Variants in GABRG3 observed in about 807,000 individuals in gnomAD.
The protein encoded by GABRG3 is gamma-aminobutyric acid type A receptor subunit gamma3, also known as gamma-aminobutyric acid receptor subunit gamma-3.
In GABRG3, 25 loss-of-function variants were observed where a neutral mutation model predicts 48.8. The ratio of observed to expected loss-of-function variants is 0.51; its 90% CI spans 0.37 to 0.72. The LOEUF (loss-of-function observed/expected upper bound fraction) is 0.72. Among genes scored for constraint, GABRG3 ranks in the 30% least tolerant of loss-of-function variants. The pLI, the probability that GABRG3 is intolerant of heterozygous loss-of-function variation, is 0.00. For synonymous variants in GABRG3, 227 were observed against 217.6 expected, an observed-to-expected ratio of 1.04 and a Z score of -0.38; for missense variants, 394 against 577.9, an observed-to-expected ratio of 0.68 and a Z score of 3.26.
At chr15:27,425,814 A>G (rs2140617522) in intron 5 of GABRG3, among the ~76,000 whole-genome samples, 1 of 152,272 alleles carries the variant, frequency 6.6e-6, no homozygotes, top group Admixed American at 6.5e-5. Flanking sequence ...GGAATGGACT[A>G]TTTTTAGTAA....
intron 3 of GABRG3, among the ~76,000 whole-genome samples, chr15:27,169,334 T>C (rs1887486355): frequency 6.6e-6 from 1 of 151,972 alleles, no homozygotes; most frequent in African/African-American, 2.4e-5. Flanking sequence ...GAGCACTTCC[T>C]GGGGAGGGAG....
chr15:27,188,758 T>G (rs577390921), intron 3 of GABRG3, among the ~76,000 whole-genome samples: 6 of 152,354 alleles, frequency 3.9e-5, no homozygotes, highest in Admixed American at 2.0e-4. Flanking sequence ...AATTTTGGCT[T>G]TTGTTGCCAT....
intron 3 of GABRG3, among the ~76,000 whole-genome samples, chr15:27,263,883 G>A (rs2140468511): frequency 6.6e-6 from 1 of 150,536 alleles, no homozygotes; most frequent in South Asian, 2.1e-4. Context: ...CCGAGATCGC[G>A]CCACTGCACT....
intron 3 of GABRG3, among the ~76,000 whole-genome samples, chr15:27,107,944 G>A (rs1056491497): frequency 6.6e-6 from 1 of 150,740 alleles, no homozygotes; most frequent in African/African-American, 2.4e-5. Context: ...GATAATTTGT[G>A]TCTTCTTCAT....
In GABRG3 at chr15:26,977,140, A is replaced by G; in HGVS notation, c.192A>G (p.Pro64=). 6.2e-7 allele frequency: 1 copy of G among 1,611,228 alleles called. No individual in the cohort carries two copies. Among genetic ancestry groups the G allele is most frequent in the South Asian group, 1.1e-5 (1 of 90,816 alleles). Reference sequence around the variant, plus strand: ...GAGAATATGATAAAAAGCTGAGGCCAGATATTGGAAGTGAGTGTTGTTTTT... The same window carrying G: ...GAGAATATGATAAAAAGCTGAGGCCGGATATTGGAAGTGAGTGTTGTTTTT... The part of the protein sequence containing the change: ...LLREYDKKLR[P]DIGIKPTVID... The change falls in exon 2 of 10, where the codon CCA becomes CCG. Residue 64 remains proline, a synonymous_variant. Coordinates refer to ENST00000615808, the MANE Select transcript of GABRG3 (RefSeq NM_033223.5).
chr15:27,132,471 GTTTTTTTTTTTTTTTTT>G (rs59023766), intron 3 of GABRG3, among the ~76,000 whole-genome samples: 1 of 39,594 alleles, frequency 2.5e-5, no homozygotes, highest in Non-Finnish European at 4.8e-5. Flanking sequence ...AGTAGTTACA[GTTTTTTTTTTTTTTTTT>G]TTTTTTTTTT....
intron 3 of GABRG3, among the ~76,000 whole-genome samples, chr15:27,079,264 A>G (rs1168415278): frequency 1.3e-5 from 2 of 152,206 alleles, no homozygotes; most frequent in Non-Finnish European, 2.9e-5. Flanking sequence ...GAGCCTGCAT[A>G]TGTAAAGAGT....
chr15:27,197,486 A>G (rs1253145888), intron 3 of GABRG3, among the ~76,000 whole-genome samples: 2 of 123,918 alleles, frequency 1.6e-5, no homozygotes, highest in South Asian at 5.4e-4. Context: ...TTTTTTTTTT[A>G]TCATCAGTAC....
intron 6 of GABRG3, among the ~76,000 whole-genome samples, chr15:27,493,270 T>TA (rs1566865863): frequency 6.6e-6 from 1 of 152,134 alleles, no homozygotes; most frequent in Non-Finnish European, 1.5e-5. Context: ...TTCATATTTT[T>TA]AAAAAAATCT....
chr15:27,469,381 C>T (rs1889715750), intron 5 of GABRG3, among the ~76,000 whole-genome samples: 1 of 152,170 alleles, frequency 6.6e-6, no homozygotes, highest in Admixed American at 6.5e-5. Context: ...TGCTCTGTCG[C>T]ACAGGCTAGA....
intron 3 of GABRG3, among the ~76,000 whole-genome samples, chr15:27,073,085 G>C (rs148988844): frequency 1.3e-5 from 2 of 152,218 alleles, no homozygotes; most frequent in African/African-American, 4.8e-5. Context: ...TTGAGTGTGG[G>C]GTGACTTGAT....
At chr15:27,452,326 C>A (rs559213561) in intron 5 of GABRG3, among the ~76,000 whole-genome samples, 1 of 152,230 alleles carries the variant, frequency 6.6e-6, no homozygotes, top group Admixed American at 6.5e-5. Context: ...TATGGTGGTT[C>A]CTCAAAATAC....
intron 2 of GABRG3, among the ~76,000 whole-genome samples, chr15:27,004,896 G>A (rs112358933): frequency 2.0e-5 from 3 of 152,214 alleles, no homozygotes; most frequent in African/African-American, 7.2e-5. Flanking sequence ...GAGTCAGCTG[G>A]GCTGGACATA....
At chr15:27,309,107 T>A (rs539088886) in intron 3 of GABRG3, among the ~76,000 whole-genome samples, 1 of 150,864 alleles carries the variant, frequency 6.6e-6, no homozygotes, top group African/African-American at 2.4e-5. Flanking sequence ...AACACAGATG[T>A]TTATATAGAA....
chr15:27,035,136 G>C (rs1896154128), intron 3 of GABRG3, among the ~76,000 whole-genome samples: 3 of 152,188 alleles, frequency 2.0e-5, no homozygotes, highest in Admixed American at 2.0e-4. Flanking sequence ...AGAGAACCCA[G>C]GTGGGCTTGG....
intron 3 of GABRG3, among the ~76,000 whole-genome samples, chr15:27,284,733 G>C (rs1209636899): frequency 6.6e-6 from 1 of 152,154 alleles, no homozygotes; most frequent in Non-Finnish European, 1.5e-5. Context: ...TAGATAATTT[G>C]ACCAGCGATC....
At chr15:27,349,557 G>T (rs1464424196) in intron 5 of GABRG3, among the ~76,000 whole-genome samples, 1 of 152,190 alleles carries the variant, frequency 6.6e-6, no homozygotes, top group Non-Finnish European at 1.5e-5. Context: ...CTCTCAATGG[G>T]ACACTGCAGA....
intron 3 of GABRG3, among the ~76,000 whole-genome samples, chr15:27,308,555 A>G (rs1054503167): frequency 8.7e-5 from 13 of 148,766 alleles, no homozygotes; most frequent in East Asian, 6.2e-4. Context: ...ATGTAAACAT[A>G]CATGTTTATA....
At chr15:27,158,033 G>A (rs1010169582) in intron 3 of GABRG3, 4 of 152,182 alleles carry the variant, frequency 2.6e-5, no homozygotes, top group Admixed American at 2.6e-4. Flanking sequence ...TCTGGCTTCT[G>A]GCTGTTAAAC....
Sources: allele counts gnomAD v4.1 joint callset (sites outside exome capture counted in the v4.1 genomes callset), GRCh38; gene constraint gnomAD v4.1.1; transcripts MANE v1.5; gene names NCBI Gene and HGNC (gene_info 2026-07-23, HGNC 2026-07-21).